SYNE1: variants seen among roughly 807,000 people sequenced by gnomAD.
SYNE1 encodes the protein nesprin-1.
A neutral mutation model predicts 1,111.0 loss-of-function variants in SYNE1; 616 were observed. That is an observed-to-expected ratio of 0.55 (90% confidence interval 0.52 to 0.59). The LOEUF is 0.59. SYNE1 is among the 20% of genes least tolerant of loss of function. The probability of loss-of-function intolerance (pLI) is 0.00; values close to 1 mark genes in which losing one functional copy is unlikely to be tolerated. For synonymous variants in SYNE1, 3,855 were observed against 3,825.8 expected (o/e 1.01, Z -0.28); for missense variants, 10,006 against 10,417.0 (o/e 0.96, Z 1.72).
intron 62 of SYNE1, chr6:152,367,003 CTTTAT>C (rs778136009): frequency 2.1e-5 from 15 of 710,838 alleles, no homozygotes; most frequent in African/African-American, 1.8e-4. Flanking sequence ...CACATTCGGG[CTTTAT>C]TTTATTTTAT....
rs182224760 is a variant in SYNE1, at chr6:152,484,802, A to T, written c.1185+33T>A. ...AAAAATATTCTTTTCTAAATTTATT[A>T]AGCTCAGTATAACTAATTGTGGGAG... On this transcript the variant is annotated intron_variant, in intron 13 of 145. Transcript: ENST00000367255. The T allele has an allele frequency of 2.1e-4, 331 of 1,609,396 alleles. 1 individual carries two copies. The African/African-American group carries it at 3.6e-3, about 17-fold the overall frequency.
intron 3 of SYNE1, among the ~76,000 whole-genome samples, chr6:152,599,060 A>G (rs894552356): frequency 6.6e-6 from 1 of 152,246 alleles, no homozygotes; most frequent in South Asian, 2.1e-4. Context: ...GTGAGATAAT[A>G]AACAGCACAG....
Position 152,293,854 on chromosome 6 carries a change from C to T in SYNE1, c.17851-105G>A. 8 of 1,605,812 alleles carry T rather than the reference C, an allele frequency of 5.0e-6. No individual in the cohort carries two copies. The South Asian group carries it at 6.6e-5, about 13-fold the overall frequency. On this transcript the variant is annotated intron_variant, in intron 94 of 145. Coordinates refer to ENST00000367255, the MANE Select transcript of SYNE1 (RefSeq NM_182961.4). ...TACCTCTGTGGCCCAACATAGGGTA[C>T]TCAACTGTGGACTGGATATGTAAAC...
intron 72 of SYNE1, among the ~76,000 whole-genome samples, chr6:152,349,133 A>T (rs1264814614): frequency 6.6e-6 from 1 of 152,250 alleles, no homozygotes. Flanking sequence ...TCAGACACTG[A>T]CCACATGATG....
rs762532681 is a variant in SYNE1 at position 152,316,842 on chromosome 6, A to C, written c.16710+7T>G. 2 of 1,614,084 alleles carry C rather than the reference A, an allele frequency of 1.2e-6. No individual in the cohort carries two copies. Among genetic ancestry groups the C allele is most frequent in the African/African-American group, 1.3e-5 (1 of 75,068 alleles). On this transcript the variant is annotated splice_region_variant and intron_variant, in intron 87 of 145. Coordinates refer to ENST00000367255, the MANE Select transcript of SYNE1 (RefSeq NM_182961.4). ...TACTTTTTAAAGATTATTTTTCCTA[A>C]GGTTACCTGATGCAAAATATATTGT...
chr6:152,429,603 C>T lies in SYNE1; in HGVS notation c.4788+509G>A, dbSNP rs117138149. The stretch of plus-strand genomic sequence containing the variant: ...TAATGTACGGTAGTATTTCTTTGTA[C>T]GTAATTATCCCCCTTTGTTCCTCCC... On this transcript the variant is annotated intron_variant, in intron 36 of 145. Coordinates refer to ENST00000367255, the MANE Select transcript of SYNE1 (RefSeq NM_182961.4). Among the ~76,000 whole-genome samples, 915 of 152,138 alleles carry T rather than the reference C, an allele frequency of 6.0e-3. 6 individuals carry two copies. Among genetic ancestry groups the T allele is most frequent in the Middle Eastern group, 0.041 (12 of 294 alleles).
intron 130 of SYNE1, among the ~76,000 whole-genome samples, chr6:152,168,763 T>C (rs931118158): frequency 1.3e-5 from 2 of 152,196 alleles, no homozygotes; most frequent in Non-Finnish European, 2.9e-5. Flanking sequence ...GTACATGCTC[T>C]TTATCTTTGA....
intron 64 of SYNE1, among the ~76,000 whole-genome samples, chr6:152,360,842 C>T (rs2096919214): frequency 6.6e-6 from 1 of 152,134 alleles, no homozygotes; most frequent in Non-Finnish European, 1.5e-5. Context: ...TGGCATAGGT[C>T]ACATAAGATC....
At position 152,557,751 on chromosome 6, in the gene SYNE1, C is replaced by T. The variant is rs116991839; in HGVS notation, c.68-17730G>A. The stretch of plus-strand genomic sequence containing the variant: ...TAAGAAATGAAGGAGTGATAAAGAC[C>T]TTCCTAGATAAACAAAAACTGTGGA... On this transcript the variant is annotated intron_variant, in intron 3 of 145. Coordinates refer to ENST00000367255, the MANE Select transcript of SYNE1 (RefSeq NM_182961.4). Among the ~76,000 whole-genome samples, 687 of 152,096 alleles carry T rather than the reference C, an allele frequency of 4.5e-3. 1 individual carries two copies. The highest frequency in any genetic ancestry group is 8.3e-3 in the Admixed American group (127 of 15,286).
intron 140 of SYNE1, among the ~76,000 whole-genome samples, chr6:152,137,374 C>G (rs1024664347): frequency 2.0e-5 from 3 of 152,090 alleles, no homozygotes; most frequent in Admixed American, 2.0e-4. Flanking sequence ...GCAAAGAAAA[C>G]AGATGCCAGG....
At chr6:152,321,575 GAAGT>G in intron 83 of SYNE1, 142 bp downstream of exon 83, 1 of 1,238,196 alleles carries the variant, frequency 8.1e-7, no homozygotes, top group Non-Finnish European at 1.1e-6. Context: ...AAAATCCCAT[GAAGT>G]AATACTAAAT....
intron 7 of SYNE1, among the ~76,000 whole-genome samples, 192 bp downstream of exon 7, chr6:152,510,819 C>T (rs1423481511): frequency 2.6e-5 from 4 of 152,130 alleles, no homozygotes; most frequent in African/African-American, 9.7e-5. Flanking sequence ...TGTGAGGTTC[C>T]ACATGCAACA....
At chr6:152,617,088 A>G (rs2099656413) in intron 3 of SYNE1, among the ~76,000 whole-genome samples, 1 of 152,194 alleles carries the variant, frequency 6.6e-6, no homozygotes. Flanking sequence ...AAGTCCCTCA[A>G]ATATCTACTT....
At chr6:152,164,532 C>T (rs1003217151) in intron 130 of SYNE1, among the ~76,000 whole-genome samples, 5 of 152,154 alleles carry the variant, frequency 3.3e-5, no homozygotes, top group African/African-American at 1.2e-4. Flanking sequence ...AGGCAGGGGT[C>T]CAGGGCACAG....
chr6:152,321,994 T>C (rs545951411), intron 82 of SYNE1, 108 bp from the exon 83 acceptor site: 2 of 1,239,728 alleles, frequency 1.6e-6, no homozygotes, highest in African/African-American at 3.0e-5. Context: ...CTAGTATCTT[T>C]TTTGAAAGAA....
At chr6:152,308,420 T>C in intron 91 of SYNE1, 69 bp downstream of exon 91, 2 of 1,608,030 alleles carry the variant, frequency 1.2e-6, no homozygotes, top group Non-Finnish European at 1.7e-6. Context: ...TTCCATTCTC[T>C]AGAAACCAAA....
At chr6:152,143,510 G>A (rs2058890706) in intron 138 of SYNE1, 113 bp downstream of exon 138, 1 of 1,483,942 alleles carries the variant, frequency 6.7e-7, no homozygotes, top group South Asian at 1.1e-5. Context: ...ACGAGTTCAA[G>A]GGCAGCATGG....
intron 32 of SYNE1, among the ~76,000 whole-genome samples, chr6:152,439,744 G>A (rs1457665722): frequency 6.6e-6 from 1 of 152,036 alleles, no homozygotes; most frequent in Non-Finnish European, 1.5e-5. Flanking sequence ...GGAAGGGTGG[G>A]CACAAGGCTC....
chr6:152,484,889 T>C lies in SYNE1; in HGVS notation c.1131A>G (p.Lys377=), dbSNP rs1396304023. 1.2e-6 allele frequency: 2 copies of C among 1,613,954 alleles called. No individual in the cohort carries two copies. The highest frequency in any genetic ancestry group is 1.3e-5 in the African/African-American group (1 of 75,060). Residue 377 remains lysine (K), a synonymous_variant, in exon 13 of 146, where the codon AAA becomes AAG. Coordinates refer to ENST00000367255, the MANE Select transcript of SYNE1 (RefSeq NM_182961.4). ...HLIQPLHRDG[K]LSLDQALVKQ... ...TTACCAATGCTTGGTCAAGTGACAA[T>C]TTACCGTCTCTGTGTAATGGTTGTA...
Sources: allele counts gnomAD v4.1 joint callset (sites outside exome capture counted in the v4.1 genomes callset), GRCh38; gene constraint gnomAD v4.1.1; transcripts MANE v1.5; gene names NCBI Gene and HGNC (gene_info 2026-07-23, HGNC 2026-07-21).